The following FERMT2 variants were observed in gnomAD, a reference collection of about 807,000 sequenced individuals.
FERMT2 encodes fermitin family homolog 2.
FERMT2 carries 15 observed loss-of-function variants against 82.7 expected under a neutral mutation model. That is an observed-to-expected ratio of 0.18 (90% CI 0.12 to 0.28). The LOEUF (loss-of-function observed/expected upper bound fraction) is 0.28, where lower values mean the gene tolerates loss of function less well. FERMT2 is among the 10% of genes least tolerant of loss of function. The pLI, the probability that FERMT2 is intolerant of heterozygous loss-of-function variation, is 1.00. For synonymous variants in FERMT2, 274 were observed against 271.5 expected, an observed-to-expected ratio of 1.01 and a Z score of -0.09; for missense variants, 645 against 809.4, an observed-to-expected ratio of 0.80 and a Z score of 2.46.
At chr14:52,931,753 G>A (rs1468120608) in intron 2 of FERMT2, among the ~76,000 whole-genome samples, 2 of 152,232 alleles carry the variant, frequency 1.3e-5, no homozygotes, top group Non-Finnish European at 2.9e-5. Flanking sequence ...AAAGGGGCGG[G>A]CGCGGTGGCT....
At chr14:52,948,933 T>C (rs1595033913) in intron 2 of FERMT2, among the ~76,000 whole-genome samples, 1 of 152,354 alleles carries the variant, frequency 6.6e-6, no homozygotes, top group East Asian at 1.9e-4. Context: ...TCCAAATATT[T>C]GCTATTTTCC....
intron 4 of FERMT2, among the ~76,000 whole-genome samples, chr14:52,891,259 C>A (rs576112393): frequency 6.6e-6 from 1 of 152,202 alleles, no homozygotes; most frequent in South Asian, 2.1e-4. Flanking sequence ...AAAAACCTAG[C>A]CACTGGAACT....
At chr14:52,869,387 G>A (rs1432436623) in intron 10 of FERMT2, among the ~76,000 whole-genome samples, 1 of 152,186 alleles carries the variant, frequency 6.6e-6, no homozygotes, top group East Asian at 1.9e-4. Flanking sequence ...CTAGGGTACA[G>A]ATTTCAACAC....
intron 10 of FERMT2, among the ~76,000 whole-genome samples, chr14:52,871,089 T>G (rs1159748203): frequency 6.6e-6 from 1 of 152,076 alleles, no homozygotes; most frequent in Admixed American, 6.5e-5. Context: ...ATCAAGCAGG[T>G]GGGAAACCAG....
At chr14:52,881,972 G>A (rs1414223089) in intron 4 of FERMT2, 1 of 312,200 alleles carries the variant, frequency 3.2e-6, no homozygotes, top group Non-Finnish European at 6.1e-6. Flanking sequence ...CACATTTCAA[G>A]TGGATTTCAG....
chr14:52,858,792 T>C (rs1458584791), intron 14 of FERMT2: 2 of 400,302 alleles, frequency 5.0e-6, no homozygotes, highest in East Asian at 7.7e-5. Context: ...AATGCAAGGG[T>C]TTTAGGTCGT....
At chr14:52,904,762 GAA>G (rs77691267) in intron 3 of FERMT2, among the ~76,000 whole-genome samples, 5 of 113,306 alleles carry the variant, frequency 4.4e-5, no homozygotes, top group African/African-American at 9.8e-5. Flanking sequence ...AAAAGGAGGA[GAA>G]AAAAAAAAAA....
chr14:52,862,848 G>A (rs1885039259), intron 12 of FERMT2: 1 of 152,184 alleles, frequency 6.6e-6, no homozygotes, highest in African/African-American at 2.4e-5. Context: ...TCAGTTGATA[G>A]TTTCTAGTCA....
Position 52,950,357 on chromosome 14 carries a change from T to TC in FERMT2, c.157+54dup, listed in dbSNP as rs1890570689. ...CCTCCCCCGTCGTGAGCCTCTTTCCTCCCCCTACCAATTCTGGGAAGTCAT... is the reference window on the plus strand; with the variant it reads ...CCTCCCCCGTCGTGAGCCTCTTTCCTCCCCCCTACCAATTCTGGGAAGTCAT... On this transcript the variant is annotated intron_variant, in intron 2 of 14. Transcript: ENST00000341590. 6 of 1,565,932 alleles carry TC rather than the reference T, an allele frequency of 3.8e-6. No individual in the cohort carries two copies. In the South Asian group the frequency reaches 5.7e-5, roughly 15 times the overall value.
At chr14:52,878,273 G>A (rs2140108948) in intron 7 of FERMT2, among the ~76,000 whole-genome samples, 1 of 152,138 alleles carries the variant, frequency 6.6e-6, no homozygotes. Context: ...TTCTTTCCAA[G>A]GAAAAACTGA....
At position 52,871,277 on chromosome 14, in the gene FERMT2, G is replaced by A. The variant is rs116631608; in HGVS notation, c.1273+1522C>T. Among the ~76,000 whole-genome samples, 202 of 152,262 alleles carry A rather than the reference G, an allele frequency of 1.3e-3. 1 individual carries two copies. Among genetic ancestry groups the A allele is most frequent in the African/African-American group, 4.8e-3 (198 of 41,548 alleles). ...AGTGTATTTTAGTTTTTTAGTCTTT[G>A]CTCTTCTAAGGGAAGATACAGTGAG... is the stretch of plus-strand genomic sequence containing the variant. On this transcript the variant is annotated intron_variant, in intron 10 of 14. Coordinates refer to ENST00000341590, the MANE Select transcript of FERMT2 (RefSeq NM_006832.3).
chr14:52,946,186 A>G (rs1442539230), intron 2 of FERMT2, among the ~76,000 whole-genome samples: 1 of 152,088 alleles, frequency 6.6e-6, no homozygotes, highest in Non-Finnish European at 1.5e-5. Context: ...AGGATTTAAT[A>G]CTTCTCAATG....
At chr14:52,920,744 G>C (rs748336313) in intron 2 of FERMT2, among the ~76,000 whole-genome samples, 4 of 152,182 alleles carry the variant, frequency 2.6e-5, no homozygotes, top group African/African-American at 4.8e-5. Context: ...CTTGAGCCCA[G>C]GAATTCAAGA....
intron 12 of FERMT2, chr14:52,860,808 A>G (rs907761990): frequency 1.7e-6 from 1 of 605,026 alleles, no homozygotes; most frequent in East Asian, 3.0e-5. Flanking sequence ...AATTAAATTT[A>G]GCACTATGTC....
intron 3 of FERMT2, among the ~76,000 whole-genome samples, chr14:52,913,312 A>G (rs983904662): frequency 3.3e-5 from 5 of 152,184 alleles, no homozygotes; most frequent in African/African-American, 7.2e-5. Flanking sequence ...TTCTAACACT[A>G]TGAGATCCCT....
At chr14:52,894,607 C>G (rs1173090939) in intron 3 of FERMT2, among the ~76,000 whole-genome samples, 1 of 152,050 alleles carries the variant, frequency 6.6e-6, no homozygotes, top group African/African-American at 2.4e-5. Flanking sequence ...GCCCCCAAAA[C>G]AGACCTACAT....
intron 3 of FERMT2, among the ~76,000 whole-genome samples, chr14:52,917,137 C>T (rs1009080357): frequency 6.6e-6 from 1 of 152,120 alleles, no homozygotes; most frequent in Non-Finnish European, 1.5e-5. Context: ...ATATTTAAAA[C>T]AGCAATTTTA....
At chr14:52,859,955 C>T (rs901522327) in intron 13 of FERMT2, 16 of 286,500 alleles carry the variant, frequency 5.6e-5, no homozygotes, top group Middle Eastern at 1.0e-3. Context: ...GTAGCTGGGA[C>T]TACAGGCGCC....
intron 3 of FERMT2, among the ~76,000 whole-genome samples, chr14:52,902,887 A>AAAAAAAAAAAC (rs1417117125): frequency 2.2e-5 from 3 of 139,452 alleles, no homozygotes; most frequent in African/African-American, 8.0e-5. Context: ...AAAAAAAAAA[A>AAAAAAAAAAAC]AAAACCCCAA....
Sources: gnomAD v4.1 joint callset for allele counts (sites outside exome capture counted in the v4.1 genomes callset) on GRCh38, gnomAD v4.1.1 for gene constraint, MANE v1.5 for transcripts, NCBI Gene and HGNC (gene_info 2026-07-23, HGNC 2026-07-21) for gene names.